ZNF385D: variants seen among roughly 807,000 people sequenced by gnomAD.
ZNF385D encodes the protein zinc finger protein 385D, also known as zinc finger protein 659.
In ZNF385D, 15 loss-of-function variants were observed where a neutral mutation model predicts 35.8. That is an observed-to-expected ratio of 0.42 (90% confidence interval 0.28 to 0.64). ZNF385D has a LOEUF of 0.64. Ranked by LOEUF, ZNF385D falls within the 30% of genes least tolerant of loss-of-function variation. The pLI is 0.23. For missense variants in ZNF385D, 474 were observed against 494.6 expected, an observed-to-expected ratio of 0.96 and a Z score of 0.39; for synonymous variants, 212 against 186.8, an observed-to-expected ratio of 1.13 and a Z score of -1.10.
intron 3 of ZNF385D, among the ~76,000 whole-genome samples, chr3:22,069,013 C>T (rs1262988727): frequency 6.6e-6 from 1 of 152,180 alleles, no homozygotes; most frequent in Non-Finnish European, 1.5e-5. Context: ...TGTTTTCATG[C>T]TCAGTGTTTT....
At chr3:21,920,831 T>G (rs961193562) in intron 3 of ZNF385D, among the ~76,000 whole-genome samples, 9 of 152,132 alleles carry the variant, frequency 5.9e-5, no homozygotes, top group African/African-American at 2.2e-4. Flanking sequence ...CAGACTGATC[T>G]GTAACACTGC....
At chr3:21,962,304 G>A (rs779554964) in intron 3 of ZNF385D, among the ~76,000 whole-genome samples, 1 of 152,068 alleles carries the variant, frequency 6.6e-6, no homozygotes, top group Non-Finnish European at 1.5e-5. Context: ...AAAAAGAGGG[G>A]TAGAAGGTAA....
At chr3:21,492,932 C>A (rs984939544) in intron 4 of ZNF385D, among the ~76,000 whole-genome samples, 2 of 151,974 alleles carry the variant, frequency 1.3e-5, no homozygotes, top group South Asian at 2.1e-4. Context: ...ACAGAAGTTA[C>A]CAATGGGTTT....
chr3:22,059,815 G>C (rs368084109), intron 3 of ZNF385D, among the ~76,000 whole-genome samples: 21 of 152,242 alleles, frequency 1.4e-4, no homozygotes, highest in African/African-American at 4.6e-4. Flanking sequence ...TCTGGTAGTT[G>C]GTAAAACATT....
chr3:21,494,998 A>G (rs151160310), intron 4 of ZNF385D, among the ~76,000 whole-genome samples: 329 of 152,258 alleles, frequency 2.2e-3, no homozygotes, highest in African/African-American at 7.2e-3. Context: ...CTTCAAACAA[A>G]TATTTTCTAC....
At chr3:21,467,048 G>T (rs910782808) in intron 4 of ZNF385D, among the ~76,000 whole-genome samples, 3 of 152,072 alleles carry the variant, frequency 2.0e-5, no homozygotes, top group Admixed American at 2.0e-4. Context: ...CCCTGAACTC[G>T]GTTCTTGTGC....
chr3:21,768,312 T>G (rs2070919845), intron 3 of ZNF385D, among the ~76,000 whole-genome samples: 1 of 152,120 alleles, frequency 6.6e-6, no homozygotes, highest in South Asian at 2.1e-4. Context: ...TTAACTTCTA[T>G]ATATTTAAAG....
intron 2 of ZNF385D, among the ~76,000 whole-genome samples, chr3:22,199,908 A>G (rs2125240643): frequency 6.6e-6 from 1 of 152,244 alleles, no homozygotes; most frequent in East Asian, 1.9e-4. Flanking sequence ...AATAGCAATG[A>G]CTATTTAATA....
At chr3:21,769,478 C>A (rs1188931889) in intron 3 of ZNF385D, among the ~76,000 whole-genome samples, 2 of 128,178 alleles carry the variant, frequency 1.6e-5, no homozygotes, top group African/African-American at 3.2e-5. Flanking sequence ...AGTGAACTCC[C>A]ATTCACAATT....
chr3:22,087,561 T>C (rs1192468455), intron 3 of ZNF385D, among the ~76,000 whole-genome samples: 1 of 152,120 alleles, frequency 6.6e-6, no homozygotes, highest in Non-Finnish European at 1.5e-5. Context: ...TCTTGGACTG[T>C]GAGGTGGAAA....
chr3:22,066,305 A>AGTGTGTGTGTGTGT (rs539082347), intron 3 of ZNF385D, among the ~76,000 whole-genome samples: 106 of 116,078 alleles, frequency 9.1e-4, no homozygotes, highest in African/African-American at 4.3e-3. Flanking sequence ...GTAGCTAAGG[A>AGTGTGTGTGTGTGT]GTGTGTGTGT....
intron 3 of ZNF385D, among the ~76,000 whole-genome samples, chr3:21,921,059 C>T (rs1285914307): frequency 1.6e-5 from 2 of 122,402 alleles, no homozygotes; most frequent in East Asian, 2.4e-4. Flanking sequence ...ACTAAAAATA[C>T]AAAAAGAAAA....
chr3:21,467,905 T>A (rs895788765), intron 4 of ZNF385D, among the ~76,000 whole-genome samples: 12 of 152,070 alleles, frequency 7.9e-5, no homozygotes, highest in African/African-American at 2.7e-4. Context: ...TAACACACAC[T>A]AGGGAGGCTA....
At chr3:21,667,213 G>T (rs1005097710) in intron 1 of ZNF385D, among the ~76,000 whole-genome samples, 2 of 152,194 alleles carry the variant, frequency 1.3e-5, no homozygotes, top group East Asian at 3.8e-4. Context: ...CCAGGCTGGA[G>T]TGCTGTGGTG....
At chr3:21,834,278 A>G (rs1695188133) in intron 3 of ZNF385D, among the ~76,000 whole-genome samples, 1 of 152,134 alleles carries the variant, frequency 6.6e-6, no homozygotes, top group Non-Finnish European at 1.5e-5. Context: ...AGGTCCTCAC[A>G]TGCAGCTCCA....
intron 3 of ZNF385D, among the ~76,000 whole-genome samples, chr3:21,552,137 A>G (rs1001462765): frequency 2.0e-5 from 3 of 152,234 alleles, no homozygotes; most frequent in African/African-American, 7.2e-5. Context: ...AAATGGAAAC[A>G]GAAAGATAAA....
chr3:22,151,678 C>T (rs1036720565), intron 3 of ZNF385D, among the ~76,000 whole-genome samples: 1 of 152,044 alleles, frequency 6.6e-6, no homozygotes, highest in Admixed American at 6.6e-5. Flanking sequence ...ATGAGTAAAA[C>T]GTGTTTTACT....
At chr3:21,924,583 T>G (rs1193915789) in intron 3 of ZNF385D, among the ~76,000 whole-genome samples, 1 of 152,126 alleles carries the variant, frequency 6.6e-6, no homozygotes, top group African/African-American at 2.4e-5. Context: ...CTCTCTAATC[T>G]ATTACAAGCA....
chr3:22,287,735 T>C lies in ZNF385D; in HGVS notation c.106+84715A>G, dbSNP rs115530855. On this transcript the variant is annotated intron_variant, in intron 2 of 5. Transcript: ENST00000494108. ...CAACAAGATATTATAGCTATAATTG[T>C]TTGTAATAGTTTTTCCTTTTAGCCT... is the stretch of plus-strand genomic sequence containing the variant. Among the ~76,000 whole-genome samples the C allele has an allele frequency of 1.1e-4, 17 of 152,128 alleles. 1 individual carries two copies. In the South Asian group the frequency reaches 3.3e-3, roughly 30 times the overall value.
Sources: allele counts gnomAD v4.1 joint callset (sites outside exome capture counted in the v4.1 genomes callset), GRCh38; gene constraint gnomAD v4.1.1; transcripts MANE v1.5; gene names NCBI Gene and HGNC (gene_info 2026-07-23, HGNC 2026-07-21).